ROBO2: variants seen among roughly 807,000 people sequenced by gnomAD.
The protein encoded by ROBO2 is roundabout guidance receptor 2.
In ROBO2, 53 loss-of-function variants were observed where a neutral mutation model predicts 160.8. That is an observed-to-expected ratio of 0.33 (90% CI 0.26 to 0.41). The LOEUF (loss-of-function observed/expected upper bound fraction) is 0.41, where lower values mean the gene tolerates loss of function less well. Ranked by LOEUF, ROBO2 falls within the 10% of genes least tolerant of loss-of-function variation. ROBO2 has a pLI of 1.00. For synonymous variants in ROBO2, 664 were observed against 611.7 expected (o/e 1.09, Z -1.26); for missense variants, 1,577 against 1,722.4 (o/e 0.92, Z 1.49).
At chr3:77,116,065 G>A (rs2074167721) in intron 2 of ROBO2, among the ~76,000 whole-genome samples, 1 of 152,224 alleles carries the variant, frequency 6.6e-6, no homozygotes, top group South Asian at 2.1e-4. Context: ...GTGCATGGCA[G>A]TAGCAAAGTA....
At chr3:77,035,194 C>T (rs1442609007), upstream of ROBO2, among the ~76,000 whole-genome samples, 1 of 151,782 alleles carries the variant, frequency 6.6e-6, no homozygotes, top group Admixed American at 6.6e-5. Context: ...TTAGGTTTTG[C>T]AATTTACTAA....
At chr3:75,948,036 C>T (rs1490555507) in intron 2 of ROBO2, among the ~76,000 whole-genome samples, 4 of 152,000 alleles carry the variant, frequency 2.6e-5, no homozygotes, top group Non-Finnish European at 5.9e-5. Flanking sequence ...GAAGCCAACA[C>T]GGATGTGAAG....
chr3:75,987,378 T>A (rs1209112813), intron 2 of ROBO2, among the ~76,000 whole-genome samples: 1 of 151,986 alleles, frequency 6.6e-6, no homozygotes, highest in Admixed American at 6.6e-5. Flanking sequence ...AACTAATGTT[T>A]ACGTGTTGCT....
intron 2 of ROBO2, among the ~76,000 whole-genome samples, chr3:76,930,631 C>G (rs2077278843): frequency 6.6e-6 from 1 of 152,228 alleles, no homozygotes; most frequent in Admixed American, 6.5e-5. Flanking sequence ...GGCTAAGTAA[C>G]CCCACAATCT....
intron 2 of ROBO2, among the ~76,000 whole-genome samples, chr3:76,885,955 G>A (rs141248987): frequency 6.6e-6 from 1 of 152,278 alleles, no homozygotes; most frequent in East Asian, 1.9e-4. Flanking sequence ...GGGAGGGCAG[G>A]TTCATGGCCT....
chr3:76,165,346 A>AT (rs35750191), intron 2 of ROBO2, among the ~76,000 whole-genome samples: 101,019 of 148,656 alleles, frequency 0.68, 37,415 homozygotes, highest in Non-Finnish European at 0.84. Context: ...CTGGCTTCCC[A>AT]TTTTTTTTTT....
intron 1 of ROBO2, among the ~76,000 whole-genome samples, chr3:75,910,060 A>G (rs956085772): frequency 5.9e-5 from 9 of 152,170 alleles, no homozygotes; most frequent in African/African-American, 1.9e-4. Context: ...ACCCCAACTG[A>G]GGGGCAAGAG....
At chr3:77,227,452 A>G (rs986972769) in intron 2 of ROBO2, among the ~76,000 whole-genome samples, 3 of 152,210 alleles carry the variant, frequency 2.0e-5, no homozygotes, top group Non-Finnish European at 4.4e-5. Flanking sequence ...AAAAAACTCT[A>G]CTGCAATGCA....
At chr3:76,262,494 C>T (rs1706832914) in intron 2 of ROBO2, among the ~76,000 whole-genome samples, 1 of 152,108 alleles carries the variant, frequency 6.6e-6, no homozygotes, top group Admixed American at 6.5e-5. Flanking sequence ...TTTGACACAG[C>T]TGAGTTTCTG....
intron 2 of ROBO2, among the ~76,000 whole-genome samples, chr3:76,727,545 C>G (rs1254842634): frequency 6.6e-5 from 10 of 152,006 alleles, no homozygotes. Context: ...TATAAACATA[C>G]AACGGAATAG....
intron 2 of ROBO2, among the ~76,000 whole-genome samples, chr3:76,871,446 T>C (rs372361060): frequency 1.4e-3 from 202 of 147,452 alleles, no homozygotes; most frequent in African/African-American, 4.4e-3. Context: ...CCCAGCTACT[T>C]GGGAGGCTGA....
At chr3:75,917,789 G>A (rs1260635438) in intron 1 of ROBO2, among the ~76,000 whole-genome samples, 5 of 152,168 alleles carry the variant, frequency 3.3e-5, no homozygotes, top group Non-Finnish European at 5.9e-5. Context: ...AATGACCAGT[G>A]ATTATGAGCT....
intron 2 of ROBO2, among the ~76,000 whole-genome samples, chr3:77,400,050 G>A (rs1476145618): frequency 3.9e-5 from 6 of 152,138 alleles, no homozygotes; most frequent in Non-Finnish European, 8.8e-5. Context: ...AGAGGAAATG[G>A]ATGAGGAGGC....
intron 2 of ROBO2, among the ~76,000 whole-genome samples, chr3:77,216,875 A>C (rs1173376618): frequency 6.6e-6 from 1 of 152,086 alleles, no homozygotes; most frequent in Non-Finnish European, 1.5e-5. Context: ...ATATTACTGT[A>C]TTTAAAAAAA....
intron 2 of ROBO2, among the ~76,000 whole-genome samples, chr3:76,142,464 T>G (rs560993712): frequency 3.9e-5 from 6 of 152,092 alleles, no homozygotes; most frequent in South Asian, 4.1e-4. Context: ...ATATACACAA[T>G]GGAGTACTAT....
intron 2 of ROBO2, among the ~76,000 whole-genome samples, chr3:76,179,047 T>C (rs2073332465): frequency 6.6e-6 from 1 of 152,154 alleles, no homozygotes; most frequent in African/African-American, 2.4e-5. Flanking sequence ...GAAAAGTTAT[T>C]AATATCATTA....
chr3:77,459,948 G>A (rs1336013108), intron 2 of ROBO2, among the ~76,000 whole-genome samples: 1 of 127,544 alleles, frequency 7.8e-6, no homozygotes, highest in Non-Finnish European at 1.8e-5. Flanking sequence ...GGTGGAGTGG[G>A]TGGGGGGGTC....
chr3:77,120,801 A>T (rs2074678887), intron 2 of ROBO2, among the ~76,000 whole-genome samples: 1 of 152,198 alleles, frequency 6.6e-6, no homozygotes, highest in Non-Finnish European at 1.5e-5. Flanking sequence ...CAGAACAGGG[A>T]ACTTAAACAG....
intron 2 of ROBO2, among the ~76,000 whole-genome samples, chr3:76,196,748 G>T (rs768344906): frequency 2.0e-5 from 3 of 152,054 alleles, no homozygotes; most frequent in Non-Finnish European, 4.4e-5. Context: ...GGATGTTATT[G>T]TCATGTCTTT....
Sources: gnomAD v4.1 joint callset for allele counts (sites outside exome capture counted in the v4.1 genomes callset) on GRCh38, gnomAD v4.1.1 for gene constraint, MANE v1.5 for transcripts, NCBI Gene and HGNC (gene_info 2026-07-23, HGNC 2026-07-21) for gene names.